Variants in OSTF1 observed in about 807,000 individuals in gnomAD.
OSTF1 encodes osteoclast stimulating factor 1.
In OSTF1, 27 loss-of-function variants were observed where a neutral mutation model predicts 37.2. The ratio of observed to expected loss-of-function variants is 0.73; its 90% CI spans 0.54 to 1.00. The LOEUF (loss-of-function observed/expected upper bound fraction) is 1.00. Among genes scored for constraint, OSTF1 ranks in the 50% least tolerant of loss-of-function variants. The probability of loss-of-function intolerance (pLI) is 0.00; values close to 1 mark genes in which losing one functional copy is unlikely to be tolerated. For synonymous variants in OSTF1, 82 were observed against 89.2 expected (o/e 0.92, Z 0.46); for missense variants, 232 against 253.8 (o/e 0.91, Z 0.58).
In OSTF1 at chr9:75,088,519, G is replaced by A; in HGVS notation, c.-174G>A. ...GCCGCGGGGCGGGGCGGAGCACTCGGCGGAGCCGCTCTGCCTGCGTCCGCT... is the reference window on the plus strand; with the variant it reads ...GCCGCGGGGCGGGGCGGAGCACTCGACGGAGCCGCTCTGCCTGCGTCCGCT... On this transcript the variant is annotated 5_prime_UTR_variant, in exon 1 of 10. Coordinates refer to ENST00000346234, the MANE Select transcript of OSTF1 (RefSeq NM_012383.5). The A allele has an allele frequency of 1.5e-6, 1 of 689,082 alleles. No homozygotes were observed. Among genetic ancestry groups the A allele is most frequent in the South Asian group, 1.8e-5 (1 of 56,576 alleles). 42.7% of individuals were successfully genotyped at this position (689,082 alleles called of 1,614,324 possible).
At chr9:75,106,317 A>G (rs1385514412) in intron 1 of OSTF1, among the ~76,000 whole-genome samples, 1 of 152,210 alleles carries the variant, frequency 6.6e-6, no homozygotes, top group Non-Finnish European at 1.5e-5. Context: ...CTTTCTTTCC[A>G]AGGATTATAG....
intron 1 of OSTF1, among the ~76,000 whole-genome samples, chr9:75,092,372 T>C (rs1327435823): frequency 6.6e-6 from 1 of 152,202 alleles, no homozygotes; most frequent in African/African-American, 2.4e-5. Flanking sequence ...TCTTAATAAA[T>C]GTAGCTCATA....
intron 3 of OSTF1, among the ~76,000 whole-genome samples, chr9:75,128,424 TATATTTTGTCC>T (rs1481522033): frequency 1.0e-5 from 1 of 99,580 alleles, no homozygotes; most frequent in African/African-American, 4.0e-5. Flanking sequence ...CATATATATA[TATATTTTGTCC>T]ATATATATAT....
In OSTF1 at chr9:75,139,054, C is replaced by CTTTCTTTCTTTCTTTCTTTCTTTCT. The variant is rs1465270702; in HGVS notation, c.487+1441_487+1442insCTTTCTTTCTTTCTTTCTTTCTTTT. Among the ~76,000 whole-genome samples the CTTTCTTTCTTTCTTTCTTTCTTTCT allele has an allele frequency of 4.5e-4, 49 of 109,506 alleles. 3 individuals are homozygous for CTTTCTTTCTTTCTTTCTTTCTTTCT. The highest frequency in any genetic ancestry group is 6.3e-4 in the Admixed American group (7 of 11,108). 71.8% of individuals were successfully genotyped at this position (109,506 alleles called of 152,430 possible). A position where few individuals can be genotyped will look rare whatever the true frequency, so the allele number is the denominator to read the frequency against. On this transcript the variant is annotated intron_variant, in intron 8 of 9. Coordinates refer to ENST00000346234, the MANE Select transcript of OSTF1 (RefSeq NM_012383.5). ...TCTTTCTTTCTTTCTTTCTTTCTTTCTTTTTTTTTTGAAACTGGGTCTCTA... is the reference window on the plus strand; with the variant it reads ...TCTTTCTTTCTTTCTTTCTTTCTTTCTTTCTTTCTTTCTTTCTTTCTTTCTTTTTTTTTTTGAAACTGGGTCTCTA...
At chr9:75,127,317 G>A (rs1825676547) in intron 2 of OSTF1, among the ~76,000 whole-genome samples, 1 of 152,050 alleles carries the variant, frequency 6.6e-6, no homozygotes, top group African/African-American at 2.4e-5. Flanking sequence ...GTCTTGCTTT[G>A]GTTGTAGAAG....
chr9:75,133,287 CT>C lies in OSTF1; in HGVS notation c.251-4del. ...CTTGTGTTCTTGTAAATGTAAAATT[CT>C]TTCAGGCAACTTGAGCTGGTTGAGA... On this transcript the variant is annotated splice_polypyrimidine_tract_variant and splice_region_variant and intron_variant, in intron 5 of 9. Coordinates refer to ENST00000346234, the MANE Select transcript of OSTF1 (RefSeq NM_012383.5). 6.4e-7 allele frequency: 1 copy of C among 1,563,000 alleles called. No homozygotes were observed. Among genetic ancestry groups the C allele is most frequent in the Middle Eastern group, 1.7e-4 (1 of 5,924 alleles).
chr9:75,088,785 C>T lies in OSTF1; in HGVS notation c.34+59C>T, dbSNP rs550768806. The T allele has an allele frequency of 1.3e-4, 198 of 1,527,792 alleles. 1 individual carries two copies. In the African/African-American group the frequency reaches 2.3e-3, roughly 18 times the overall value. The allele number at this position is 1,527,792 out of a possible 1,614,324, so 94.6% of individuals were successfully genotyped here. ...TGCGACCGCCGCGGTGCCGGCGCCT[C>T]CTCTGCAGCTTGGCAGGGAGGACCC... On this transcript the variant is annotated intron_variant, in intron 1 of 9. Transcript: ENST00000346234.
intron 2 of OSTF1, among the ~76,000 whole-genome samples, chr9:75,120,012 G>T (rs1346465253): frequency 2.0e-5 from 3 of 151,244 alleles, no homozygotes; most frequent in Non-Finnish European, 4.4e-5. Context: ...TCACCCTAAA[G>T]ACCTCATTTT....
In OSTF1 at chr9:75,145,138, CCTAT is replaced by C. The variant is rs759211679; in HGVS notation, c.587-1525_587-1522del. 1.8e-3 allele frequency among the ~76,000 whole-genome samples: 175 copies of C among 95,940 alleles called. 3 individuals carry two copies. The Middle Eastern group carries it at 0.027, about 15-fold the overall frequency. The allele number at this position is 95,940 out of a possible 152,430, so 62.9% of individuals were successfully genotyped here. ...CATGAATCAATCATGTATCTGCCTG[CCTAT>C]CTATCTATCTATCTATCTACCTATC... On this transcript the variant is annotated intron_variant, in intron 9 of 9. Coordinates refer to ENST00000346234, the MANE Select transcript of OSTF1 (RefSeq NM_012383.5).
rs764739653 is a variant in OSTF1 at position 75,117,495 on chromosome 9, C to T, written c.35-9C>T. Reference sequence around the variant, plus strand: ...AAAATTCAGTTGTTGTTTTTTCTTCCTTTTTTAGGGCAAGTTAAAGTCTTC... The same window carrying T: ...AAAATTCAGTTGTTGTTTTTTCTTCTTTTTTTAGGGCAAGTTAAAGTCTTC... On this transcript the variant is annotated splice_polypyrimidine_tract_variant and intron_variant, in intron 1 of 9. Coordinates refer to ENST00000346234, the MANE Select transcript of OSTF1 (RefSeq NM_012383.5). 2 of 1,605,642 alleles carry T rather than the reference C, an allele frequency of 1.2e-6. No homozygotes were observed. The highest frequency in any genetic ancestry group is 1.3e-5 in the African/African-American group (1 of 74,670).
chr9:75,134,099 T>C (rs545516124), intron 6 of OSTF1, among the ~76,000 whole-genome samples: 1 of 152,328 alleles, frequency 6.6e-6, no homozygotes, highest in African/African-American at 2.4e-5. Flanking sequence ...TTATAGTGAA[T>C]GTAAAAATAT....
At chr9:75,093,022 C>T (rs1172768428) in intron 1 of OSTF1, among the ~76,000 whole-genome samples, 2 of 149,348 alleles carry the variant, frequency 1.3e-5, no homozygotes, top group Admixed American at 6.7e-5. Context: ...CTTTATGATA[C>T]CCTCTTTCTT....
chr9:75,088,568 C>G lies in OSTF1; in HGVS notation c.-125C>G. 1 of 1,034,396 alleles carries G rather than the reference C, an allele frequency of 9.7e-7. No individual in the cohort carries two copies. Among genetic ancestry groups the G allele is most frequent in the Admixed American group, 2.1e-5 (1 of 48,292 alleles). 64.1% of individuals were successfully genotyped at this position (1,034,396 alleles called of 1,614,324 possible). A position where few individuals can be genotyped will look rare whatever the true frequency, so the allele number is the denominator to read the frequency against. On this transcript the variant is annotated 5_prime_UTR_variant, in exon 1 of 10. Transcript: ENST00000346234. Reference sequence around the variant, plus strand: ...CTCTTCCCGCAGCCAAGGGTGGGCGCCGGTCCTAGGAGGCGCACGGTTGTA... The same window carrying G: ...CTCTTCCCGCAGCCAAGGGTGGGCGGCGGTCCTAGGAGGCGCACGGTTGTA...
Position 75,146,829 on chromosome 9 carries a change from A to G in OSTF1, c.*88A>G. On this transcript the variant is annotated 3_prime_UTR_variant, in exon 10 of 10. Transcript: ENST00000346234. ...TTGCCAGAAAAGTGTTGGTAACTAT[A>G]AAGAAAATTATATATGAACACGGCA... 4.5e-6 allele frequency: 4 copies of G among 893,684 alleles called. No homozygotes were observed. The highest frequency in any genetic ancestry group is 7.2e-6 in the Non-Finnish European group (4 of 555,380). The allele number at this position is 893,684 out of a possible 1,614,324, so 55.4% of individuals were successfully genotyped here. A position where few individuals can be genotyped will look rare whatever the true frequency, so the allele number is the denominator to read the frequency against.
intron 7 of OSTF1, among the ~76,000 whole-genome samples, chr9:75,136,019 T>G (rs1005264797): frequency 1.3e-5 from 2 of 152,186 alleles, no homozygotes; most frequent in African/African-American, 4.8e-5. Flanking sequence ...TAATGTCCCT[T>G]TTGAAGAATT....
rs377343585 is a variant in OSTF1, at chr9:75,120,544, A to G, written c.81+2994A>G. ...GAGACTGGAGGTGACTCTTGACTCT[A>G]TCTCCTCTCTTCGTATGCTTCGTTG... On this transcript the variant is annotated intron_variant, in intron 2 of 9. Coordinates refer to ENST00000346234, the MANE Select transcript of OSTF1 (RefSeq NM_012383.5). Among the ~76,000 whole-genome samples, 100 of 152,068 alleles carry G rather than the reference A, an allele frequency of 6.6e-4. 1 individual carries two copies. The highest frequency in any genetic ancestry group is 2.2e-3 in the African/African-American group (93 of 41,470).
chr9:75,091,770 G>A (rs561151873), intron 1 of OSTF1, among the ~76,000 whole-genome samples: 22 of 152,188 alleles, frequency 1.4e-4, no homozygotes, highest in Non-Finnish European at 3.1e-4. Flanking sequence ...GATGAAACAA[G>A]AGGAAAAGCT....
chr9:75,132,673 G>A (rs930197149), intron 5 of OSTF1, among the ~76,000 whole-genome samples: 2 of 152,110 alleles, frequency 1.3e-5, no homozygotes, highest in African/African-American at 4.8e-5. Context: ...AAATCTGAAT[G>A]TACACAAGGA....
intron 1 of OSTF1, among the ~76,000 whole-genome samples, chr9:75,115,401 C>T (rs929850564): frequency 3.3e-5 from 5 of 152,146 alleles, no homozygotes; most frequent in Admixed American, 2.6e-4. Flanking sequence ...AGGCTATTCT[C>T]CTGCCTCAGC....
Sources: gnomAD v4.1 joint callset for allele counts (sites outside exome capture counted in the v4.1 genomes callset) on GRCh38, gnomAD v4.1.1 for gene constraint, MANE v1.5 for transcripts, NCBI Gene and HGNC (gene_info 2026-07-23, HGNC 2026-07-21) for gene names.